Variants in RAD51C observed in about 807,000 individuals in gnomAD.
RAD51C encodes DNA repair protein RAD51 homolog 3.
Under a neutral mutation model 45.0 loss-of-function variants are expected in RAD51C, and 42 were observed. The observed-to-expected ratio is 0.93, with a 90% CI of 0.73 to 1.21. RAD51C has a LOEUF of 1.21. RAD51C is among the 50% of genes most tolerant of loss of function. The pLI, the probability that RAD51C is intolerant of heterozygous loss-of-function variation, is 0.00. For synonymous variants in RAD51C, 172 were observed against 159.8 expected (o/e 1.08, Z -0.58); for missense variants, 474 against 452.2 (o/e 1.05, Z -0.44).
At chr17:58,695,867 G>A (rs2047985808) in intron 2 of RAD51C, among the ~76,000 whole-genome samples, 1 of 151,610 alleles carries the variant, frequency 6.6e-6, no homozygotes, top group Non-Finnish European at 1.5e-5. Flanking sequence ...AGGAGTTCAA[G>A]ACCAGCCTAG....
At chr17:58,729,483 G>A (rs2049321705) in intron 7 of RAD51C, among the ~76,000 whole-genome samples, 1 of 152,124 alleles carries the variant, frequency 6.6e-6, no homozygotes, top group African/African-American at 2.4e-5. Context: ...CCAAAGGGCT[G>A]GGATTACAGG....
chr17:58,709,991 G>A lies in RAD51C; in HGVS notation c.837+1G>A, dbSNP rs760235677. 3.7e-6 allele frequency: 6 copies of A among 1,611,548 alleles called. No homozygotes were observed. The highest frequency in any genetic ancestry group is 1.3e-5 in the African/African-American group (1 of 74,872). ...CCTTGCAAATAATCACAGATTAGCT[G>A]TAAGTATTAACTAGTGAAGAGAGTT... On this transcript the variant is annotated splice_donor_variant, in intron 5 of 8. Coordinates refer to ENST00000337432, the MANE Select transcript of RAD51C (RefSeq NM_058216.3). LOFTEE classifies it high-confidence loss of function.
chr17:58,717,059 A>G (rs1226043908), intron 5 of RAD51C, among the ~76,000 whole-genome samples: 1 of 150,786 alleles, frequency 6.6e-6, no homozygotes, highest in Non-Finnish European at 1.5e-5. Flanking sequence ...TCGGCCTCCC[A>G]AAGTGCTGGG....
chr17:58,732,300 T>C, intron 7 of RAD51C, 184 bp from the exon 8 acceptor site: 1 of 550,720 alleles, frequency 1.8e-6, no homozygotes, highest in Non-Finnish European at 3.2e-6. Context: ...ATAAACTCTG[T>C]TATATACATA....
At position 58,695,169 on chromosome 17, in the gene RAD51C, T is replaced by A. The variant is rs2143727414; in HGVS notation, c.384T>A (p.Gly128=). ...CAACAGAAATTTGTGGTGCACCAGG[T>A]GTTGGAAAAACACAATTATGGTAAA... The part of the protein sequence containing the change: ...MKTTEICGAP[G]VGKTQLCMQL... The change falls in exon 2 of 9, where the codon GGT becomes GGA. Residue 128 remains glycine, a synonymous_variant. Coordinates refer to ENST00000337432, the MANE Select transcript of RAD51C (RefSeq NM_058216.3). The A allele has an allele frequency of 6.2e-7, 1 of 1,612,126 alleles. No homozygotes were observed. Among genetic ancestry groups the A allele is most frequent in the Non-Finnish European group, 8.5e-7 (1 of 1,178,784 alleles).
At chr17:58,732,703 A>G (rs2049482515) in intron 8 of RAD51C, 159 bp downstream of exon 8, 1 of 700,382 alleles carries the variant, frequency 1.4e-6, no homozygotes, top group Non-Finnish European at 2.6e-6. Context: ...AGTAGTATAT[A>G]CAGAATATTG....
At chr17:58,715,110 A>G (rs2048684080) in intron 5 of RAD51C, among the ~76,000 whole-genome samples, 1 of 151,740 alleles carries the variant, frequency 6.6e-6, no homozygotes, top group Non-Finnish European at 1.5e-5. Flanking sequence ...GGTTCTGGGA[A>G]ACACACAGTT....
intron 6 of RAD51C, among the ~76,000 whole-genome samples, chr17:58,721,330 C>T (rs1442651121): frequency 2.0e-5 from 3 of 152,048 alleles, no homozygotes; most frequent in African/African-American, 7.2e-5. Context: ...AGATTCTTGC[C>T]CCCAGGGAGT....
intron 7 of RAD51C, among the ~76,000 whole-genome samples, chr17:58,729,078 C>T (rs1344637549): frequency 6.6e-6 from 1 of 152,132 alleles, no homozygotes; most frequent in Non-Finnish European, 1.5e-5. Context: ...GTAGTTCAGC[C>T]ATATGTTAAG....
intron 6 of RAD51C, among the ~76,000 whole-genome samples, chr17:58,721,664 C>A (rs1041072516): frequency 2.0e-5 from 3 of 151,658 alleles, no homozygotes; most frequent in Middle Eastern, 3.4e-3. Context: ...GAGGCTGAGG[C>A]AGGAGAATCG....
At chr17:58,710,122 G>A in intron 5 of RAD51C, 132 bp downstream of exon 5, 1 of 1,070,434 alleles carries the variant, frequency 9.3e-7, no homozygotes, top group South Asian at 1.4e-5. Context: ...AGTTACGTTT[G>A]GTTGGTTTCC....
chr17:58,699,166 C>G (rs2048123479), intron 3 of RAD51C, among the ~76,000 whole-genome samples: 2 of 151,568 alleles, frequency 1.3e-5, no homozygotes, highest in South Asian at 4.2e-4. Context: ...GCCACAATGC[C>G]CGGCTAATTT....
chr17:58,729,151 C>G (rs144742851), intron 7 of RAD51C, among the ~76,000 whole-genome samples: 2 of 152,186 alleles, frequency 1.3e-5, no homozygotes, highest in African/African-American at 4.8e-5. Context: ...TTTAAAAGAT[C>G]TCTGAAGAGA....
At chr17:58,722,726 A>T (rs1328923111) in intron 6 of RAD51C, among the ~76,000 whole-genome samples, 2 of 152,166 alleles carry the variant, frequency 1.3e-5, no homozygotes, top group Non-Finnish European at 2.9e-5. Context: ...AAGATGGCTG[A>T]ATTTGCTTTG....
rs1555593678 is a variant in RAD51C at position 58,695,070 on chromosome 17, T to G, written c.285T>G (p.His95Gln). The G allele has an allele frequency of 6.2e-7, 1 of 1,614,110 alleles. No homozygotes were observed. The highest frequency in any genetic ancestry group is 1.3e-5 in the African/African-American group (1 of 75,030). The change falls in exon 2 of 9, where the codon CAT (histidine) becomes CAG (glutamine). Residue 95 changes from histidine to glutamine, a missense_variant. Transcript: ENST00000337432. Reference protein sequence around the residue: ...CTALELLEQEHTQGFIITFCS... With the variant: ...CTALELLEQEQTQGFIITFCS... Reference sequence around the variant, plus strand: ...CACTGGAACTTCTTGAGCAGGAGCATACCCAGGGCTTCATAATCACCTTCT... The same window carrying G: ...CACTGGAACTTCTTGAGCAGGAGCAGACCCAGGGCTTCATAATCACCTTCT...
intron 2 of RAD51C, 58 bp from the exon 3 acceptor site, chr17:58,696,635 A>G (rs773918056): frequency 2.6e-5 from 42 of 1,610,330 alleles, no homozygotes; most frequent in Admixed American, 1.2e-4. Flanking sequence ...CTGGAGTTCA[A>G]AAACACTACC....
rs9907955 is a variant in RAD51C, at chr17:58,695,939, C to T, written c.404+750C>T. Among the ~76,000 whole-genome samples the T allele has an allele frequency of 9.3e-4, 140 of 151,034 alleles. 1 individual carries two copies. The highest frequency in any genetic ancestry group is 3.3e-3 in the African/African-American group (135 of 41,080). On this transcript the variant is annotated intron_variant, in intron 2 of 8. Coordinates refer to ENST00000337432, the MANE Select transcript of RAD51C (RefSeq NM_058216.3). ...AAAATTAGCCAGGCATGGTGGTTCACGCCTATAGTCTCAGCTCCTCGGGAG... is the reference window on the plus strand; with the variant it reads ...AAAATTAGCCAGGCATGGTGGTTCATGCCTATAGTCTCAGCTCCTCGGGAG...
intron 6 of RAD51C, among the ~76,000 whole-genome samples, chr17:58,721,507 C>G (rs2048916227): frequency 6.6e-6 from 1 of 152,118 alleles, no homozygotes; most frequent in Non-Finnish European, 1.5e-5. Context: ...TGCCTGTAAT[C>G]TCAGCACTTT....
intron 5 of RAD51C, among the ~76,000 whole-genome samples, chr17:58,715,019 C>T (rs2048681857): frequency 6.6e-6 from 1 of 151,844 alleles, no homozygotes; most frequent in African/African-American, 2.4e-5. Flanking sequence ...ATGTCTGCTC[C>T]TTCAGTGTCA....
Sources: gnomAD v4.1 joint callset for allele counts (sites outside exome capture counted in the v4.1 genomes callset) on GRCh38, gnomAD v4.1.1 for gene constraint, MANE v1.5 for transcripts, NCBI Gene and HGNC (gene_info 2026-07-23, HGNC 2026-07-21) for gene names.